The following BAIAP2 variants were observed in gnomAD, a reference collection of about 807,000 sequenced individuals.
The protein encoded by BAIAP2 is BAR/IMD domain containing adaptor protein 2.
In BAIAP2, 18 loss-of-function variants were observed where a neutral mutation model predicts 63.0. That is an observed-to-expected ratio of 0.29 (90% CI 0.20 to 0.42). The LOEUF (loss-of-function observed/expected upper bound fraction) is 0.42. BAIAP2 is among the 10% of genes least tolerant of loss of function. BAIAP2 has a pLI of 1.00. For synonymous variants in BAIAP2, 386 were observed against 307.6 expected (o/e 1.25, Z -2.67); for missense variants, 610 against 734.3 (o/e 0.83, Z 1.96).
intron 3 of BAIAP2, among the ~76,000 whole-genome samples, chr17:81,061,425 C>T (rs561052946): frequency 1.9e-4 from 29 of 152,182 alleles, no homozygotes; most frequent in Non-Finnish European, 3.5e-4. Flanking sequence ...GAAGAGTCCT[C>T]GGGCCCTCCC....
Position 81,035,327 on chromosome 17 carries a change from C to G in BAIAP2, c.54+19C>G. On this transcript the variant is annotated intron_variant, in intron 1 of 13. Coordinates refer to ENST00000428708, the MANE Select transcript of BAIAP2 (RefSeq NM_001144888.2). ...CTATAAGGTGAGCGCCCCCCGGCGC[C>G]GAGCTGAGCCCGCTCCGTGTGCGCC... The G allele has an allele frequency of 5.7e-6, 8 of 1,397,774 alleles. No homozygotes were observed. Among genetic ancestry groups the G allele is most frequent in the Non-Finnish European group, 7.5e-6 (8 of 1,059,620 alleles). The allele number at this position is 1,397,774 out of a possible 1,614,324, so 86.6% of individuals were successfully genotyped here.
intron 2 of BAIAP2, chr17:81,057,521 C>T (rs892615783): frequency 1.0e-5 from 5 of 485,246 alleles, no homozygotes; most frequent in South Asian, 1.8e-4. Flanking sequence ...AGTTTCCTTG[C>T]CCAGGGTTGG....
chr17:81,091,351 C>T (rs374699120), intron 6 of BAIAP2, among the ~76,000 whole-genome samples: 1 of 152,106 alleles, frequency 6.6e-6, no homozygotes, highest in Non-Finnish European at 1.5e-5. Context: ...GACCTCTTCA[C>T]CGGCCTCTCC....
In BAIAP2 at chr17:81,057,978, C is replaced by A. The variant is rs772261493; in HGVS notation, c.217+11C>A. ...GCTCCAAAGAACTCGGTGAGACCCC[C>A]CCCCCCCCCCCGCCTGGTAGTCGCC... On this transcript the variant is annotated intron_variant, in intron 3 of 13. Transcript: ENST00000428708. 2.2e-4 allele frequency: 169 copies of A among 762,664 alleles called. 3 individuals are homozygous for A. The highest frequency in any genetic ancestry group is 1.9e-3 in the African/African-American group (75 of 39,664). 47.2% of individuals were successfully genotyped at this position (762,664 alleles called of 1,614,324 possible). A position where few individuals can be genotyped will look rare whatever the true frequency, so the allele number is the denominator to read the frequency against.
At chr17:81,067,525 G>C (rs1178076019) in intron 3 of BAIAP2, among the ~76,000 whole-genome samples, 1 of 152,230 alleles carries the variant, frequency 6.6e-6, no homozygotes, top group Non-Finnish European at 1.5e-5. Context: ...GTCCTGATTG[G>C]ATTGGCCGTG....
chr17:81,116,600 T>G lies in BAIAP2; in HGVS notation c.*761T>G. On this transcript the variant is annotated 3_prime_UTR_variant, in exon 14 of 14. Coordinates refer to ENST00000428708, the MANE Select transcript of BAIAP2 (RefSeq NM_001144888.2). ...AGAGTGCCCGCTGGCAGGTGGGGGC[T>G]TCCCCGCTTCCGGGGTCTGCCCCAG... 1.1e-5 allele frequency: 5 copies of G among 443,964 alleles called. No individual in the cohort carries two copies. Among genetic ancestry groups the G allele is most frequent in the Non-Finnish European group, 1.7e-5 (4 of 240,866 alleles). The allele number at this position is 443,964 out of a possible 1,614,324, so 27.5% of individuals were successfully genotyped here. A position where few individuals can be genotyped will look rare whatever the true frequency, so the allele number is the denominator to read the frequency against.
At chr17:81,080,540 C>T (rs558052353) in intron 3 of BAIAP2, among the ~76,000 whole-genome samples, 1 of 152,178 alleles carries the variant, frequency 6.6e-6, no homozygotes, top group East Asian at 1.9e-4. Flanking sequence ...CGTCACCTGG[C>T]CAGAACCCCC....
In BAIAP2 at chr17:81,110,758, G is replaced by A. The variant is rs57365775; in HGVS notation, c.1535+2249G>A. Among the ~76,000 whole-genome samples, 1,109 of 152,306 alleles carry A rather than the reference G, an allele frequency of 7.3e-3. 14 individuals carry two copies. The highest frequency in any genetic ancestry group is 0.025 in the African/African-American group (1,049 of 41,566). On this transcript the variant is annotated intron_variant, in intron 13 of 13. Coordinates refer to ENST00000428708, the MANE Select transcript of BAIAP2 (RefSeq NM_001144888.2). ...CGCAAGTGAGGCAGGCTCCGCAGGC[G>A]CCGTCCAGGGAGAGCCAGAGCCCCA... is the stretch of plus-strand genomic sequence containing the variant.
Position 81,035,262 on chromosome 17 carries a change from T to G in BAIAP2, c.8T>G (p.Leu3Arg). 1 of 1,519,972 alleles carries G rather than the reference T, an allele frequency of 6.6e-7. No individual in the cohort carries two copies. The highest frequency in any genetic ancestry group is 8.8e-7 in the Non-Finnish European group (1 of 1,130,458). The allele number at this position is 1,519,972 out of a possible 1,614,324, so 94.2% of individuals were successfully genotyped here. A position where few individuals can be genotyped will look rare whatever the true frequency, so the allele number is the denominator to read the frequency against. Residue 3 changes from leucine (L) to arginine (R), a missense_variant, in exon 1 of 14, where the codon CTG becomes CGG. By Grantham distance (102) the Leu-to-Arg change is moderately radical. Transcript: ENST00000428708. MS[L>R]SRSEEMHRLT... Reference sequence around the variant, plus strand: ...CAGCCGGGACCCAGGACCATGTCTCTGTCTCGCTCAGAGGAGATGCACCGG... The same window carrying G: ...CAGCCGGGACCCAGGACCATGTCTCGGTCTCGCTCAGAGGAGATGCACCGG...
intron 6 of BAIAP2, among the ~76,000 whole-genome samples, chr17:81,092,686 C>T (rs572549220): frequency 6.6e-6 from 1 of 152,338 alleles, no homozygotes; most frequent in African/African-American, 2.4e-5. Context: ...GGGCCCGGCC[C>T]GGAGCACCGC....
intron 1 of BAIAP2, among the ~76,000 whole-genome samples, chr17:81,047,435 GAGT>G (rs1331218773): frequency 6.6e-6 from 1 of 152,236 alleles, no homozygotes; most frequent in Non-Finnish European, 1.5e-5. Context: ...TTGTTCTTCT[GAGT>G]AGATAGAAAA....
At chr17:81,089,755 G>A (rs533712407) in intron 6 of BAIAP2, among the ~76,000 whole-genome samples, 2 of 152,238 alleles carry the variant, frequency 1.3e-5, no homozygotes, top group East Asian at 3.9e-4. Context: ...TAGTTGCCGA[G>A]GCAAATGGTC....
In BAIAP2 at chr17:81,093,449, T is replaced by C. The variant is rs115206185; in HGVS notation, c.490-6479T>C. Among the ~76,000 whole-genome samples the C allele has an allele frequency of 7.2e-3, 1,093 of 152,196 alleles. 14 individuals are homozygous for C. Among genetic ancestry groups the C allele is most frequent in the African/African-American group, 0.025 (1,039 of 41,510 alleles). On this transcript the variant is annotated intron_variant, in intron 6 of 13. Coordinates refer to ENST00000428708, the MANE Select transcript of BAIAP2 (RefSeq NM_001144888.2). The stretch of plus-strand genomic sequence containing the variant: ...CTGGGTTACCTTCCCCTGTTCCCTT[T>C]CTGAGATGATGGGGGAGGAGGGAGG...
At chr17:81,047,187 G>A (rs1274698530) in intron 1 of BAIAP2, among the ~76,000 whole-genome samples, 2 of 152,178 alleles carry the variant, frequency 1.3e-5, no homozygotes, top group South Asian at 2.1e-4. Context: ...CATGTCAGGT[G>A]CAACACCAGG....
At chr17:81,077,866 G>A (rs1160666948) in intron 3 of BAIAP2, among the ~76,000 whole-genome samples, 4 of 150,484 alleles carry the variant, frequency 2.7e-5, no homozygotes, top group Non-Finnish European at 5.9e-5. Context: ...TGGGAGCCAG[G>A]CACTGTGGGT....
intron 13 of BAIAP2, chr17:81,109,545 C>T (rs376091716): frequency 6.8e-4 from 666 of 985,338 alleles, no homozygotes; most frequent in Non-Finnish European, 6.9e-4. Flanking sequence ...GGTCCCTGGC[C>T]GCCCCGGCCC....
At chr17:81,104,994 A>ATGG (rs1568181457) in intron 10 of BAIAP2, 3 of 353,448 alleles carry the variant, frequency 8.5e-6, no homozygotes, top group Non-Finnish European at 1.6e-5. Context: ...TCTCCCCCCA[A>ATGG]CGGCAGGGAT....
intron 1 of BAIAP2, 116 bp from the exon 2 acceptor site, chr17:81,053,551 TG>T: frequency 9.7e-7 from 1 of 1,027,494 alleles, no homozygotes; most frequent in Non-Finnish European, 1.5e-6. Context: ...TGAGCATTTG[TG>T]GTGTCGACCC....
At position 81,090,380 on chromosome 17, in the gene BAIAP2, C is replaced by A. The variant is rs542886072; in HGVS notation, c.489+3800C>A. ...ACCTCCGCCTCTGCTCCTCCCCATC[C>A]GCCTCCTTCCTCTGTCAATGGGAGA... On this transcript the variant is annotated intron_variant, in intron 6 of 13. Transcript: ENST00000428708. Among the ~76,000 whole-genome samples the A allele has an allele frequency of 2.6e-5, 4 of 152,244 alleles. No individual in the cohort carries two copies. In the South Asian group the frequency reaches 6.2e-4, roughly 24 times the overall value.
Sources: gnomAD v4.1 joint callset for allele counts (sites outside exome capture counted in the v4.1 genomes callset) on GRCh38, gnomAD v4.1.1 for gene constraint, MANE v1.5 for transcripts, NCBI Gene and HGNC (gene_info 2026-07-23, HGNC 2026-07-21) for gene names.